The following GPC5 variants were observed in gnomAD, a reference collection of about 807,000 sequenced individuals.
The protein encoded by GPC5 is glypican 5.
GPC5 carries 47 observed loss-of-function variants against 53.9 expected under a neutral mutation model. The ratio of observed to expected loss-of-function variants is 0.87; its 90% CI spans 0.69 to 1.11. The LOEUF (loss-of-function observed/expected upper bound fraction) is 1.11, where lower values mean the gene tolerates loss of function less well. GPC5 is among the 50% of genes most tolerant of loss of function. GPC5 has a pLI of 0.00. For missense variants in GPC5, 748 were observed against 713.1 expected (o/e 1.05, Z -0.56); for synonymous variants, 286 against 263.3 (o/e 1.09, Z -0.84).
At chr13:91,864,009 A>G (rs757404580) in intron 5 of GPC5, among the ~76,000 whole-genome samples, 8 of 152,240 alleles carry the variant, frequency 5.3e-5, no homozygotes, top group Non-Finnish European at 1.0e-4. Flanking sequence ...AAATATGTCT[A>G]AAGACTATGT....
In GPC5 at chr13:91,728,545, G is replaced by C; in HGVS notation, c.1034G>C (p.Cys345Ser). The C allele has an allele frequency of 6.2e-7, 1 of 1,610,884 alleles. No homozygotes were observed. Among genetic ancestry groups the C allele is most frequent in the Non-Finnish European group, 8.5e-7 (1 of 1,178,284 alleles). The part of the protein sequence containing the change: ...QKLLEQVNRI[C>S]GRPVRTPTQS... The stretch of plus-strand genomic sequence containing the variant: ...TCTATTTAAAAGGTAAATAGGATTT[G>C]TGGCCGCCCTGTAAGAACACCCACA... Residue 345 changes from cysteine (C) to serine (S), a missense_variant, in exon 4 of 8, where the codon TGT becomes TCT. Cys to Ser is a moderately radical substitution (Grantham distance 112, BLOSUM62 -1). Coordinates refer to ENST00000377067, the MANE Select transcript of GPC5 (RefSeq NM_004466.6).
At chr13:91,756,950 T>TTATATA (rs139581229) in intron 5 of GPC5, among the ~76,000 whole-genome samples, 1 of 149,470 alleles carries the variant, frequency 6.7e-6, no homozygotes, top group Admixed American at 6.7e-5. Context: ...GGGGGCACTT[T>TTATATA]TATATATATA....
chr13:92,376,883 G>A (rs1233612355), intron 7 of GPC5, among the ~76,000 whole-genome samples: 1 of 152,084 alleles, frequency 6.6e-6, no homozygotes, highest in Non-Finnish European at 1.5e-5. Flanking sequence ...AGGCATGGTG[G>A]CACATGCCTG....
At chr13:92,103,283 T>G (rs1044657360) in intron 6 of GPC5, among the ~76,000 whole-genome samples, 4 of 152,152 alleles carry the variant, frequency 2.6e-5, no homozygotes, top group Non-Finnish European at 4.4e-5. Context: ...AGAACATAAC[T>G]GAGGCTGAAA....
chr13:91,427,231 G>A (rs2139008000), intron 1 of GPC5, among the ~76,000 whole-genome samples: 1 of 152,310 alleles, frequency 6.6e-6, no homozygotes, highest in South Asian at 2.1e-4. Flanking sequence ...ACCCTGGAAT[G>A]GTAGATCCAC....
intron 7 of GPC5, among the ~76,000 whole-genome samples, chr13:92,400,767 G>A (rs1424526215): frequency 6.6e-6 from 1 of 152,122 alleles, no homozygotes; most frequent in Non-Finnish European, 1.5e-5. Flanking sequence ...ATATAATTTG[G>A]TTAATTAAAT....
At chr13:92,431,390 CT>C (rs3064652) in intron 7 of GPC5, among the ~76,000 whole-genome samples, 250 of 137,294 alleles carry the variant, frequency 1.8e-3, no homozygotes, top group Middle Eastern at 3.9e-3. Flanking sequence ...AAAGACACAG[CT>C]TTTTTTTTTT....
At chr13:91,800,554 T>A (rs1022723487) in intron 5 of GPC5, among the ~76,000 whole-genome samples, 1 of 152,144 alleles carries the variant, frequency 6.6e-6, no homozygotes, top group Admixed American at 6.6e-5. Flanking sequence ...TCTTATAATA[T>A]CTTCACTGTT....
chr13:92,199,501 TA>T (rs1566481311), intron 7 of GPC5, among the ~76,000 whole-genome samples: 1 of 152,194 alleles, frequency 6.6e-6, no homozygotes, highest in African/African-American at 2.4e-5. Flanking sequence ...TTTTCTTTCA[TA>T]AAAATTTAAA....
At chr13:91,669,825 A>G (rs545602228) in intron 2 of GPC5, among the ~76,000 whole-genome samples, 3 of 152,196 alleles carry the variant, frequency 2.0e-5, no homozygotes, top group Non-Finnish European at 4.4e-5. Flanking sequence ...CCCTAAGCCC[A>G]TTTGATTGAA....
At chr13:92,750,536 T>A (rs1380453628) in intron 7 of GPC5, among the ~76,000 whole-genome samples, 1 of 152,164 alleles carries the variant, frequency 6.6e-6, no homozygotes, top group Non-Finnish European at 1.5e-5. Context: ...AAATAGATTA[T>A]GTGCAGCTAT....
chr13:91,978,547 A>G (rs138087407), intron 6 of GPC5, among the ~76,000 whole-genome samples: 2 of 152,182 alleles, frequency 1.3e-5, no homozygotes, highest in Admixed American at 1.3e-4. Context: ...ACTGTGGATA[A>G]GTTTTGGAGG....
intron 6 of GPC5, among the ~76,000 whole-genome samples, chr13:91,961,508 A>G (rs1444161937): frequency 6.6e-6 from 1 of 151,878 alleles, no homozygotes; most frequent in Admixed American, 6.6e-5. Flanking sequence ...TAAACTTATG[A>G]TTTCATGTGG....
intron 1 of GPC5, among the ~76,000 whole-genome samples, chr13:91,400,139 C>A (rs921505894): frequency 3.3e-5 from 5 of 152,140 alleles, no homozygotes; most frequent in African/African-American, 1.2e-4. Flanking sequence ...GCCATGCACC[C>A]CTTTAGCTGT....
intron 7 of GPC5, among the ~76,000 whole-genome samples, chr13:92,446,022 A>G (rs917596951): frequency 6.6e-6 from 1 of 152,092 alleles, no homozygotes; most frequent in African/African-American, 2.4e-5. Flanking sequence ...TGATACAGGC[A>G]TGTAATGTGT....
At chr13:91,550,804 T>C (rs934945960) in intron 2 of GPC5, among the ~76,000 whole-genome samples, 2 of 152,088 alleles carry the variant, frequency 1.3e-5, no homozygotes, top group African/African-American at 4.8e-5. Context: ...GTTTCCCCCA[T>C]ACTGTTCTTG....
intron 2 of GPC5, among the ~76,000 whole-genome samples, chr13:91,657,039 A>G (rs1018428842): frequency 5.3e-5 from 8 of 152,134 alleles, no homozygotes; most frequent in African/African-American, 1.9e-4. Context: ...TACTAAATAT[A>G]TATGAGATAC....
chr13:91,693,511 G>A lies in GPC5; in HGVS notation c.650G>A (p.Arg217Lys). 1.2e-6 allele frequency: 2 copies of A among 1,614,054 alleles called. No homozygotes were observed. ...IPQRVMGQMG[R>K]SLLPSRTFLQ... is the part of the protein sequence containing the mutation. ...CAAAGAGTAATGGGACAGATGGGGA[G>A]GTCCCTGCTGCCCAGCCGCACTTTT... is the stretch of plus-strand genomic sequence containing the variant. The change falls in exon 3 of 8, where the codon AGG becomes AAG. Residue 217 changes from arginine (R) to lysine (K), a missense_variant. Arg to Lys is a conservative substitution (Grantham distance 26, BLOSUM62 2). Transcript: ENST00000377067.
At chr13:91,975,417 T>C (rs1279530644) in intron 6 of GPC5, among the ~76,000 whole-genome samples, 2 of 151,826 alleles carry the variant, frequency 1.3e-5, no homozygotes, top group African/African-American at 4.8e-5. Context: ...CTCAAACAAA[T>C]TTACAAGAAA....
Sources: allele counts gnomAD v4.1 joint callset (sites outside exome capture counted in the v4.1 genomes callset), GRCh38; gene constraint gnomAD v4.1.1; transcripts MANE v1.5; gene names NCBI Gene and HGNC (gene_info 2026-07-23, HGNC 2026-07-21).